Variants in MPHOSPH9 observed in about 807,000 individuals in gnomAD.
The protein encoded by MPHOSPH9 is M-phase phosphoprotein 9.
In MPHOSPH9, 88 loss-of-function variants were observed where a neutral mutation model predicts 145.5. The observed-to-expected ratio is 0.60, with a 90% CI of 0.51 to 0.72. The LOEUF (loss-of-function observed/expected upper bound fraction) is 0.72, where lower values mean the gene tolerates loss of function less well. Among genes scored for constraint, MPHOSPH9 ranks in the 30% least tolerant of loss-of-function variants. The probability of loss-of-function intolerance (pLI) is 0.00; values close to 1 mark genes in which losing one functional copy is unlikely to be tolerated. For synonymous variants in MPHOSPH9, 435 were observed against 486.2 expected (o/e 0.89, Z 1.39); for missense variants, 1,238 against 1,386.6 (o/e 0.89, Z 1.70).
At chr12:123,181,757 A>G (rs1035252229) in intron 13 of MPHOSPH9, among the ~76,000 whole-genome samples, 3 of 151,946 alleles carry the variant, frequency 2.0e-5, no homozygotes, top group Non-Finnish European at 2.9e-5. Flanking sequence ...ACATGGGGAT[A>G]TATGCTTACA....
chr12:123,181,280 A>G (rs2045129642), intron 13 of MPHOSPH9, 70 bp from the exon 14 acceptor site: 1 of 1,343,218 alleles, frequency 7.4e-7, no homozygotes, highest in Admixed American at 1.8e-5. Flanking sequence ...GGTACAGTCT[A>G]CAAAATAACT....
At chr12:123,153,384 A>G (rs932392241), downstream of MPHOSPH9, 1 of 152,202 alleles carries the variant, frequency 6.6e-6, no homozygotes, top group Non-Finnish European at 1.5e-5. Flanking sequence ...GCGTGAAGAG[A>G]ACATCTTAGA....
chr12:123,204,500 G>T (rs1226549337), intron 8 of MPHOSPH9, among the ~76,000 whole-genome samples: 1 of 152,042 alleles, frequency 6.6e-6, no homozygotes, highest in Non-Finnish European at 1.5e-5. Context: ...ATGAAAATAA[G>T]TCCCCCCCAC....
upstream of MPHOSPH9, among the ~76,000 whole-genome samples, chr12:123,235,133 T>G (rs2047824559): frequency 6.6e-6 from 1 of 152,204 alleles, no homozygotes; most frequent in Non-Finnish European, 1.5e-5. Flanking sequence ...AGTTGAGAGA[T>G]CTGACATGCT....
chr12:123,230,219 G>C, intron 2 of MPHOSPH9, 42 bp downstream of exon 2: 3 of 1,039,522 alleles, frequency 2.9e-6, no homozygotes, highest in Non-Finnish European at 4.2e-6. Flanking sequence ...TGCAAATAAG[G>C]TTATTCTGAT....
rs372486358 is a variant in MPHOSPH9 at position 123,213,081 on chromosome 12, G to A, written c.1087+1663C>T. Among the ~76,000 whole-genome samples, 16 of 151,834 alleles carry A rather than the reference G, an allele frequency of 1.1e-4. No individual in the cohort carries two copies. In the East Asian group the frequency reaches 2.9e-3, roughly 28 times the overall value. The stretch of plus-strand genomic sequence containing the variant: ...TCACTGTATTAGCCAGGATAGTCTC[G>A]ATCGCCTGACCTCGTGATCCGCCCG... On this transcript the variant is annotated intron_variant, in intron 7 of 23. Coordinates refer to ENST00000606320, the MANE Select transcript of MPHOSPH9 (RefSeq NM_022782.4).
intron 3 of MPHOSPH9, among the ~76,000 whole-genome samples, chr12:123,224,123 T>G (rs1160129833): frequency 1.4e-5 from 2 of 142,168 alleles, no homozygotes; most frequent in East Asian, 4.5e-4. Flanking sequence ...TATATATATA[T>G]ATACACATTT....
At chr12:123,179,427 T>G (rs1406131773) in intron 15 of MPHOSPH9, among the ~76,000 whole-genome samples, 1 of 152,026 alleles carries the variant, frequency 6.6e-6, no homozygotes, top group Non-Finnish European at 1.5e-5. Context: ...TACAAAAAAT[T>G]AGCTGGGTGT....
chr12:123,189,735 C>T (rs1470454268), intron 13 of MPHOSPH9, among the ~76,000 whole-genome samples: 2 of 151,972 alleles, frequency 1.3e-5, no homozygotes, highest in Admixed American at 1.3e-4. Flanking sequence ...GAGATCGAGA[C>T]CATCCTGGCT....
chr12:123,208,660 G>A (rs187210993), intron 8 of MPHOSPH9, among the ~76,000 whole-genome samples: 11 of 152,034 alleles, frequency 7.2e-5, no homozygotes, highest in Non-Finnish European at 2.9e-5. Context: ...CTGGGAAAAG[G>A]GGAAGAAATT....
At chr12:123,199,601 T>C (rs1259672456) in intron 11 of MPHOSPH9, among the ~76,000 whole-genome samples, 1 of 151,948 alleles carries the variant, frequency 6.6e-6, no homozygotes, top group Non-Finnish European at 1.5e-5. Flanking sequence ...TAAACCATCC[T>C]GGATAATACG....
chr12:123,158,767 A>C (rs771909771), intron 23 of MPHOSPH9, among the ~76,000 whole-genome samples: 9 of 151,998 alleles, frequency 5.9e-5, no homozygotes, highest in Non-Finnish European at 1.2e-4. Flanking sequence ...AGTAGCTGAG[A>C]TTGCAGGCAC....
chr12:123,213,550 G>C (rs2046835174), intron 7 of MPHOSPH9, among the ~76,000 whole-genome samples: 1 of 152,058 alleles, frequency 6.6e-6, no homozygotes, highest in Non-Finnish European at 1.5e-5. Context: ...TGTTGCTCAA[G>C]TTGGTCTCAA....
chr12:123,230,515 AAG>A lies in MPHOSPH9; in HGVS notation c.-153_-152del, dbSNP rs2047597758. On this transcript the variant is annotated 5_prime_UTR_variant, in exon 2 of 24. An upstream open reading frame in the 5' UTR gains an earlier in-frame stop. Coordinates refer to ENST00000606320, the MANE Select transcript of MPHOSPH9 (RefSeq NM_022782.4). ...GAACTGTGAAATATCCTAAACTTCC[AAG>A]AGAGTCTGAAAATGAATGGGGGAAA... 8.4e-6 allele frequency: 4 copies of A among 474,948 alleles called. No homozygotes were observed. The highest frequency in any genetic ancestry group is 2.0e-5 in the African/African-American group (1 of 49,880). 29.4% of individuals were successfully genotyped at this position (474,948 alleles called of 1,614,324 possible).
chr12:123,204,282 A>G (rs2046332700), intron 8 of MPHOSPH9, among the ~76,000 whole-genome samples: 1 of 147,626 alleles, frequency 6.8e-6, no homozygotes, highest in Non-Finnish European at 1.5e-5. Context: ...AGCCTGCGCA[A>G]CAAGAGCGAA....
intron 17 of MPHOSPH9, among the ~76,000 whole-genome samples, chr12:123,166,012 G>A (rs1226855855): frequency 6.6e-6 from 1 of 152,224 alleles, no homozygotes; most frequent in African/African-American, 2.4e-5. Context: ...TAGAGGAACA[G>A]CATCTGCACA....
chr12:123,193,350 C>T (rs1269292993), intron 13 of MPHOSPH9, among the ~76,000 whole-genome samples: 1 of 151,902 alleles, frequency 6.6e-6, no homozygotes, highest in South Asian at 2.1e-4. Context: ...AAGTAACAGC[C>T]TCTAGGGTAG....
rs888652504 is a variant in MPHOSPH9 at position 123,193,524 on chromosome 12, C to T, written c.2241+862G>A. On this transcript the variant is annotated intron_variant, in intron 13 of 23. Coordinates refer to ENST00000606320, the MANE Select transcript of MPHOSPH9 (RefSeq NM_022782.4). ...TAGAAGCCAGGTGCAGTGGCACACA[C>T]GTGTAGACCCAGCTACTCAGAAGGC... is the stretch of plus-strand genomic sequence containing the variant. Among the ~76,000 whole-genome samples the T allele has an allele frequency of 3.3e-5, 5 of 152,136 alleles. No individual in the cohort carries two copies. In the East Asian group the frequency reaches 5.8e-4, roughly 18 times the overall value.
At chr12:123,239,559 T>C (rs1035369990) in intron 1 of MPHOSPH9, among the ~76,000 whole-genome samples, 1 of 152,056 alleles carries the variant, frequency 6.6e-6, no homozygotes. Context: ...CGTGCAACCA[T>C]GCCCAGCTAA....
Sources: allele counts gnomAD v4.1 joint callset (sites outside exome capture counted in the v4.1 genomes callset), GRCh38; gene constraint gnomAD v4.1.1; transcripts MANE v1.5; gene names NCBI Gene and HGNC (gene_info 2026-07-23, HGNC 2026-07-21).